The following ARMH1 variants were observed in gnomAD, a reference collection of about 807,000 sequenced individuals.
The protein encoded by ARMH1 is armadillo-like helical domain containing protein 1.
A neutral mutation model predicts 50.2 loss-of-function variants in ARMH1; 34 were observed. That is an observed-to-expected ratio of 0.68 (90% CI 0.51 to 0.90). ARMH1 has a LOEUF of 0.90. Ranked by LOEUF, ARMH1 falls within the 40% of genes least tolerant of loss-of-function variation. ARMH1 has a pLI of 0.00. For synonymous variants in ARMH1, 221 were observed against 224.2 expected, an observed-to-expected ratio of 0.99 and a Z score of 0.13; for missense variants, 538 against 553.9, an observed-to-expected ratio of 0.97 and a Z score of 0.29.
chr1:44,709,497 C>G (rs935476765), intron 6 of ARMH1, among the ~76,000 whole-genome samples: 1 of 152,002 alleles, frequency 6.6e-6, no homozygotes, highest in Non-Finnish European at 1.5e-5. Flanking sequence ...ACGGTGAAAC[C>G]CCATCTCTAC....
intron 4 of ARMH1, among the ~76,000 whole-genome samples, chr1:44,699,085 A>T (rs989813003): frequency 5.3e-5 from 8 of 152,056 alleles, no homozygotes; most frequent in African/African-American, 1.9e-4. Context: ...GATCAAGACC[A>T]TCCTGGCTAA....
At chr1:44,675,617 G>A (rs1645111086) in intron 1 of ARMH1, among the ~76,000 whole-genome samples, 1 of 152,106 alleles carries the variant, frequency 6.6e-6, no homozygotes, top group Non-Finnish European at 1.5e-5. Context: ...AGCCATGATT[G>A]TGCCACTGCA....
At position 44,687,709 on chromosome 1, in the gene ARMH1, G is replaced by A. The variant is rs143401661; in HGVS notation, c.-22-1967G>A. Among the ~76,000 whole-genome samples the A allele has an allele frequency of 8.0e-3, 1,214 of 152,226 alleles. 16 individuals carry two copies. The highest frequency in any genetic ancestry group is 0.027 in the African/African-American group (1,141 of 41,536). On this transcript the variant is annotated intron_variant, in intron 1 of 11. Transcript: ENST00000535358. ...CGTATTCATCTTTGCATCTCCCACGGTACCTTATACAGAGCCACAGGATGG... is the reference window on the plus strand; with the variant it reads ...CGTATTCATCTTTGCATCTCCCACGATACCTTATACAGAGCCACAGGATGG...
At chr1:44,721,682 C>T (rs929552913) in intron 6 of ARMH1, 10 of 152,114 alleles carry the variant, frequency 6.6e-5, no homozygotes, top group South Asian at 2.1e-4. Flanking sequence ...TGAGCCGCGA[C>T]CACACCACTC....
chr1:44,715,176 T>G (rs1050175117), intron 6 of ARMH1, among the ~76,000 whole-genome samples: 4 of 152,196 alleles, frequency 2.6e-5, no homozygotes, highest in Non-Finnish European at 5.9e-5. Flanking sequence ...TGTCTGGACC[T>G]GCAGAGAAAG....
intron 6 of ARMH1, among the ~76,000 whole-genome samples, chr1:44,716,731 A>G (rs992445506): frequency 1.3e-5 from 2 of 152,066 alleles, no homozygotes; most frequent in Admixed American, 6.5e-5. Context: ...CTCTACACCA[A>G]TCTTCATCTG....
intron 6 of ARMH1, among the ~76,000 whole-genome samples, chr1:44,719,627 C>A (rs1041354366): frequency 3.3e-5 from 5 of 152,238 alleles, no homozygotes; most frequent in Admixed American, 3.3e-4. Flanking sequence ...AAATCGCCAG[C>A]ATGTGTTCCT....
rs773557809 is a variant in ARMH1 at position 44,697,065 on chromosome 1, A to T, written c.207-37A>T. 3.9e-6 allele frequency: 6 copies of T among 1,520,070 alleles called. No individual in the cohort carries two copies. The Admixed American group carries it at 9.8e-5, about 25-fold the overall frequency. 94.2% of individuals were successfully genotyped at this position (1,520,070 alleles called of 1,614,324 possible). A position where few individuals can be genotyped will look rare whatever the true frequency, so the allele number is the denominator to read the frequency against. ...CACGGGCTCTGGCTTCTGTGTGAAA[A>T]ACCACCCTGAAACTCACTCTTTAAC... is the stretch of plus-strand genomic sequence containing the variant. On this transcript the variant is annotated intron_variant, in intron 2 of 11. Coordinates refer to ENST00000535358, the MANE Select transcript of ARMH1 (RefSeq NM_001145636.2).
chr1:44,675,666 A>G (rs1475875249), intron 1 of ARMH1, among the ~76,000 whole-genome samples: 1 of 151,450 alleles, frequency 6.6e-6, no homozygotes, highest in Non-Finnish European at 1.5e-5. Flanking sequence ...TGTCTCAAAA[A>G]ACAAAACAAA....
At chr1:44,690,233 A>C (rs1645616102) in intron 2 of ARMH1, among the ~76,000 whole-genome samples, 1 of 152,036 alleles carries the variant, frequency 6.6e-6, no homozygotes, top group Admixed American at 6.6e-5. Context: ...AAACAAACAA[A>C]CAAAAATTAG....
At chr1:44,710,903 G>A (rs1490741130) in intron 6 of ARMH1, among the ~76,000 whole-genome samples, 4 of 152,030 alleles carry the variant, frequency 2.6e-5, no homozygotes, top group Non-Finnish European at 5.9e-5. Context: ...CTGTCTCTAT[G>A]GATTTACCTA....
chr1:44,693,977 C>T (rs1645743119), intron 2 of ARMH1, among the ~76,000 whole-genome samples: 1 of 152,122 alleles, frequency 6.6e-6, no homozygotes. Flanking sequence ...ATCTCTCCCA[C>T]TCCAATCCCC....
At position 44,697,121 on chromosome 1, in the gene ARMH1, T is replaced by C; in HGVS notation, c.226T>C (p.Leu76=). The C allele has an allele frequency of 6.4e-7, 1 of 1,552,152 alleles. No homozygotes were observed. The highest frequency in any genetic ancestry group is 8.7e-7 in the Non-Finnish European group (1 of 1,146,996). ...ATACAGCTATATGACTGACTCATGT[T>C]TAGAAAAGCTTCTCAGGTCCATTGG... The part of the protein sequence containing the change: ...LRITYMTDSC[L]EKLLRSIGIF... The change falls in exon 3 of 12, where the codon TTA becomes CTA. Residue 76 remains leucine (L), a synonymous_variant. Coordinates refer to ENST00000535358, the MANE Select transcript of ARMH1 (RefSeq NM_001145636.2).
Position 44,698,086 on chromosome 1 carries a change from T to G in ARMH1, c.299T>G (p.Leu100Arg), listed in dbSNP as rs1375566453. Residue 100 changes from leucine (L) to arginine (R), a missense_variant, in exon 4 of 12, where the codon CTT becomes CGT. By Grantham distance (102) the Leu-to-Arg change is moderately radical. Coordinates refer to ENST00000535358, the MANE Select transcript of ARMH1 (RefSeq NM_001145636.2). ...AGTAATCGGTACCTTATAGAATTTC[T>G]TGAGGTTGGAGGTGTCCTAACCCTC... ...VSSNRYLIEF[L>R]EVGGVLTLLE... 6.4e-7 allele frequency: 1 copy of G among 1,550,830 alleles called. No homozygotes were observed. Among genetic ancestry groups the G allele is most frequent in the East Asian group, 2.4e-5 (1 of 40,894 alleles).
intron 2 of ARMH1, among the ~76,000 whole-genome samples, chr1:44,692,117 C>T (rs1333698534): frequency 6.6e-6 from 1 of 152,156 alleles, no homozygotes; most frequent in Non-Finnish European, 1.5e-5. Context: ...GACCCATGCA[C>T]AGTGACTTAC....
Position 44,689,730 on chromosome 1 carries a change from C to A in ARMH1, c.33C>A (p.Ser11Arg), listed in dbSNP as rs1557521594. MTSIKEQAAI[S>R]RLLSFLQEWD... Reference sequence around the variant, plus strand: ...CTATAAAGGAGCAGGCAGCAATTAGCAGGCTCTTAAGTTTTTTACAGGAGT... The same window carrying A: ...CTATAAAGGAGCAGGCAGCAATTAGAAGGCTCTTAAGTTTTTTACAGGAGT... The change falls in exon 2 of 12, where the codon AGC (serine) becomes AGA (arginine). Residue 11 changes from serine to arginine, a missense_variant. Ser to Arg is a moderately radical substitution (Grantham distance 110). Coordinates refer to ENST00000535358, the MANE Select transcript of ARMH1 (RefSeq NM_001145636.2). The A allele has an allele frequency of 6.4e-7, 1 of 1,552,006 alleles. No homozygotes were observed. The highest frequency in any genetic ancestry group is 8.7e-7 in the Non-Finnish European group (1 of 1,147,046).
chr1:44,724,807 T>A lies in ARMH1; in HGVS notation c.1096T>A (p.Cys366Ser). 1 of 1,543,266 alleles carries A rather than the reference T, an allele frequency of 6.5e-7. No homozygotes were observed. The highest frequency in any genetic ancestry group is 8.7e-7 in the Non-Finnish European group (1 of 1,146,724). Residue 366 changes from cysteine (C) to serine (S), a missense_variant, in exon 10 of 12, where the codon TGC becomes AGC. Physicochemically the swap from Cys to Ser is moderately radical, Grantham distance 112. Coordinates refer to ENST00000535358, the MANE Select transcript of ARMH1 (RefSeq NM_001145636.2). The surrounding 1 kb of genome is among the most constrained non-coding windows in gnomAD (Gnocchi z 6.4). Reference sequence around the variant, plus strand: ...CTTGGTGGCGGAGCACGTGCGCAAGTGCATGGGGGAGGAACTCTACCAGCT... The same window carrying A: ...CTTGGTGGCGGAGCACGTGCGCAAGAGCATGGGGGAGGAACTCTACCAGCT... ...FPLVAEHVRK[C>S]MGEELYQLFL...
At chr1:44,721,740 C>G (rs560388831) in intron 6 of ARMH1, 1 of 151,998 alleles carries the variant, frequency 6.6e-6, no homozygotes, top group African/African-American at 2.4e-5. Flanking sequence ...CCTCCCAAAG[C>G]ATGAAACACC....
Position 44,724,253 on chromosome 1 carries a change from C to G in ARMH1, c.847+9C>G. ...GGCCAAGATCCTCAGTGGTAAGGACCTGCTCAAATGGGGCTGCCTGGGCCA... is the reference window on the plus strand; with the variant it reads ...GGCCAAGATCCTCAGTGGTAAGGACGTGCTCAAATGGGGCTGCCTGGGCCA... On this transcript the variant is annotated intron_variant, in intron 7 of 11. Transcript: ENST00000535358. This position sits in a 1 kb window ranked among gnomAD's most constrained non-coding sequence, Gnocchi z 6.4. 1 of 1,551,656 alleles carries G rather than the reference C, an allele frequency of 6.4e-7. No homozygotes were observed. Among genetic ancestry groups the G allele is most frequent in the Non-Finnish European group, 8.7e-7 (1 of 1,146,928 alleles).
Sources: gnomAD v4.1 joint callset for allele counts (sites outside exome capture counted in the v4.1 genomes callset) on GRCh38, gnomAD v4.1.1 for gene constraint, Gnocchi (gnomAD v3.1) non-coding constraint, MANE v1.5 for transcripts, NCBI Gene and HGNC (gene_info 2026-07-23, HGNC 2026-07-21) for gene names.